Variants in ACSF3 observed in about 807,000 individuals in gnomAD.
ACSF3 encodes the protein malonate--CoA ligase ACSF3, mitochondrial.
In ACSF3, 78 loss-of-function variants were observed where a neutral mutation model predicts 53.2. That is an observed-to-expected ratio of 1.47 (90% CI 1.22 to 1.77). The LOEUF (loss-of-function observed/expected upper bound fraction) is 1.77. ACSF3 is among the 40% of genes most tolerant of loss of function. The pLI, the probability that ACSF3 is intolerant of heterozygous loss-of-function variation, is 0.00. For synonymous variants in ACSF3, 414 were observed against 333.1 expected, an observed-to-expected ratio of 1.24 and a Z score of -2.65; for missense variants, 937 against 771.1, an observed-to-expected ratio of 1.22 and a Z score of -2.55.
chr16:89,153,603 C>T lies in ACSF3; in HGVS notation c.1614-487C>T, dbSNP rs550103671. On this transcript the variant is annotated intron_variant, in intron 10 of 10. Coordinates refer to ENST00000614302, the MANE Select transcript of ACSF3 (RefSeq NM_001243279.3). ...ATAGGCTTGTGTCTGCAGGACTGTGCGGCATTTACTCCCATCTCAAATACC... is the reference window on the plus strand; with the variant it reads ...ATAGGCTTGTGTCTGCAGGACTGTGTGGCATTTACTCCCATCTCAAATACC... 11 of 245,690 alleles carry T rather than the reference C, an allele frequency of 4.5e-5. No individual in the cohort carries two copies. The East Asian group carries it at 6.9e-4, about 15-fold the overall frequency. The allele number at this position is 245,690 out of a possible 1,614,324, so 15.2% of individuals were successfully genotyped here. A position where few individuals can be genotyped will look rare whatever the true frequency, so the allele number is the denominator to read the frequency against.
At chr16:89,133,332 T>G in intron 8 of ACSF3, 70 bp downstream of exon 8, 1 of 1,601,676 alleles carries the variant, frequency 6.2e-7, no homozygotes, top group African/African-American at 1.3e-5. Flanking sequence ...CTGCCCACGT[T>G]GAGTGACACC....
intron 6 of ACSF3, among the ~76,000 whole-genome samples, chr16:89,119,629 C>T (rs1654030388): frequency 6.6e-6 from 1 of 152,224 alleles, no homozygotes; most frequent in South Asian, 2.1e-4. Context: ...CCCGCCACAC[C>T]CCCCATAGTG....
intron 8 of ACSF3, among the ~76,000 whole-genome samples, chr16:89,138,579 C>A (rs1036269263): frequency 1.3e-5 from 2 of 152,238 alleles, no homozygotes; most frequent in African/African-American, 4.8e-5. Flanking sequence ...CCTCGCTGGG[C>A]CTGCCACGCT....
intron 1 of ACSF3, among the ~76,000 whole-genome samples, chr16:89,096,412 C>T (rs1055395864): frequency 6.6e-6 from 1 of 152,132 alleles, no homozygotes; most frequent in African/African-American, 2.4e-5. Context: ...AGGAAGACCG[C>T]GCACAGCCAT....
Position 89,112,198 on chromosome 16 carries a change from A to C in ACSF3, c.929A>C (p.Gln310Pro). 6.2e-7 allele frequency: 1 copy of C among 1,614,222 alleles called. No individual in the cohort carries two copies. Among genetic ancestry groups the C allele is most frequent in the Non-Finnish European group, 8.5e-7 (1 of 1,180,044 alleles). Reference protein sequence around the residue: ...LMEYYDRHFTQPHAQDFLRAV... With the variant: ...LMEYYDRHFTPPHAQDFLRAV... Reference sequence around the variant, plus strand: ...GAGTACTACGACAGGCATTTTACCCAGCCGCACGCCCAGGATTTCTTGCGT... The same window carrying C: ...GAGTACTACGACAGGCATTTTACCCCGCCGCACGCCCAGGATTTCTTGCGT... The change falls in exon 5 of 11, where the codon CAG becomes CCG. Residue 310 changes from glutamine (Q) to proline (P), a missense_variant. By Grantham distance (76) the Gln-to-Pro change is moderately conservative (BLOSUM62 -1). Transcript: ENST00000614302.
chr16:89,097,800 C>T (rs11076765), intron 1 of ACSF3, among the ~76,000 whole-genome samples: 108,830 of 151,686 alleles, frequency 0.72, 39,674 homozygotes, highest in Admixed American at 0.79. Flanking sequence ...GGGTGCCTCG[C>T]GTCAGGAGAT....
intron 7 of ACSF3, chr16:89,122,497 T>C (rs1405022451): frequency 9.9e-6 from 4 of 404,908 alleles, no homozygotes; most frequent in Middle Eastern, 3.5e-4. Context: ...CCTTCCTGGC[T>C]CTCAAGTCTG....
intron 8 of ACSF3, among the ~76,000 whole-genome samples, chr16:89,140,488 A>G (rs922878838): frequency 1.3e-5 from 2 of 152,308 alleles, no homozygotes; most frequent in Middle Eastern, 3.4e-3. Context: ...CACTTTCCTC[A>G]AGGACTGGGG....
intron 6 of ACSF3, among the ~76,000 whole-genome samples, chr16:89,116,542 G>A (rs533388989): frequency 1.3e-5 from 2 of 152,276 alleles, no homozygotes; most frequent in African/African-American, 2.4e-5. Context: ...GTAAAGTCTC[G>A]GTTTGGCTGG....
rs138543889 is a variant in ACSF3, at chr16:89,096,984, TTGAGTTTGCCCAGCCCAGCTG to T, written c.-193-1604_-193-1584del. 6.6e-3 allele frequency among the ~76,000 whole-genome samples: 1,000 copies of T among 152,394 alleles called. 11 individuals carry two copies. Among genetic ancestry groups the T allele is most frequent in the African/African-American group, 0.023 (948 of 41,590 alleles). ...CAGCAGTTTCTTCTCAGCCTGCACT[TTGAGTTTGCCCAGCCCAGCTG>T]TGCACGTCAGCATCACCAGCTCTGC... On this transcript the variant is annotated intron_variant, in intron 1 of 10. Transcript: ENST00000614302.
intron 10 of ACSF3, chr16:89,152,054 A>G (rs1002747930): frequency 2.6e-5 from 4 of 152,246 alleles, no homozygotes; most frequent in African/African-American, 9.6e-5. Flanking sequence ...GAGTCTCTCA[A>G]AAGCTACCAG....
intron 1 of ACSF3, among the ~76,000 whole-genome samples, chr16:89,094,940 C>T (rs888719919): frequency 2.6e-5 from 4 of 152,156 alleles, no homozygotes; most frequent in African/African-American, 9.7e-5. Flanking sequence ...TTGAACTGGG[C>T]TTGGAAGAAT....
At position 89,156,102 on chromosome 16, in the gene ACSF3, C is replaced by T. The variant is rs1265232279; in HGVS notation, c.*1895C>T. ...CTGGTCCCTGTGCCAGGCTGGTCGG[C>T]CTTCGTGCACACAGTCCGCCAGTGC... On this transcript the variant is annotated 3_prime_UTR_variant, in exon 11 of 11. Coordinates refer to ENST00000614302, the MANE Select transcript of ACSF3 (RefSeq NM_001243279.3). Among the ~76,000 whole-genome samples the T allele has an allele frequency of 6.6e-6, 1 of 152,198 alleles. No individual in the cohort carries two copies. Among genetic ancestry groups the T allele is most frequent in the Non-Finnish European group, 1.5e-5 (1 of 68,022 alleles).
At chr16:89,135,224 C>G (rs1442835473) in intron 8 of ACSF3, among the ~76,000 whole-genome samples, 2 of 152,270 alleles carry the variant, frequency 1.3e-5, no homozygotes. Flanking sequence ...GCCCCATGCC[C>G]TTCCACAGGG....
Position 89,120,919 on chromosome 16 carries a change from C to T in ACSF3, c.1239+6C>T. On this transcript the variant is annotated splice_donor_region_variant and intron_variant, in intron 7 of 10. Transcript: ENST00000614302. Reference sequence around the variant, plus strand: ...GAGACGAGAGGGGGACCAAGGTAAGCCACTCTGCTCTTGGCAGGTGGGCGG... The same window carrying T: ...GAGACGAGAGGGGGACCAAGGTAAGTCACTCTGCTCTTGGCAGGTGGGCGG... 6.2e-7 allele frequency: 1 copy of T among 1,612,886 alleles called. No individual in the cohort carries two copies. Among genetic ancestry groups the T allele is most frequent in the Non-Finnish European group, 8.5e-7 (1 of 1,179,226 alleles).
intron 8 of ACSF3, among the ~76,000 whole-genome samples, chr16:89,141,572 G>GAAGATGCCAGC (rs199950393): frequency 0.11 from 16,675 of 152,272 alleles, 1,229 homozygotes; most frequent in Middle Eastern, 0.18. Flanking sequence ...AAGATGCCAG[G>GAAGATGCCAGC]AACGTCCAGG....
At position 89,154,743 on chromosome 16, in the gene ACSF3, C is replaced by T. The variant is rs980862172; in HGVS notation, c.*536C>T. 2.4e-5 allele frequency: 11 copies of T among 454,036 alleles called. No individual in the cohort carries two copies. The highest frequency in any genetic ancestry group is 4.4e-5 in the Non-Finnish European group (10 of 226,808). The allele number at this position is 454,036 out of a possible 1,614,324, so 28.1% of individuals were successfully genotyped here. ...AGAACCAGCCCTGTCCCATGGGTTCCGTGCATTTCCTGGTGCTGCTCTTGG... is the reference window on the plus strand; with the variant it reads ...AGAACCAGCCCTGTCCCATGGGTTCTGTGCATTTCCTGGTGCTGCTCTTGG... On this transcript the variant is annotated 3_prime_UTR_variant, in exon 11 of 11. Transcript: ENST00000614302.
chr16:89,095,635 G>A (rs1179985172), intron 1 of ACSF3, among the ~76,000 whole-genome samples: 1 of 152,150 alleles, frequency 6.6e-6, no homozygotes, highest in African/African-American at 2.4e-5. Context: ...TGGTGAACAG[G>A]TCAGGTGTCG....
chr16:89,095,958 A>G (rs1227754708), intron 1 of ACSF3, among the ~76,000 whole-genome samples: 2 of 152,178 alleles, frequency 1.3e-5, no homozygotes, highest in Non-Finnish European at 2.9e-5. Flanking sequence ...TAGGAGGGAA[A>G]AGATGCATCC....
Sources: gnomAD v4.1 joint callset for allele counts (sites outside exome capture counted in the v4.1 genomes callset) on GRCh38, gnomAD v4.1.1 for gene constraint, MANE v1.5 for transcripts, NCBI Gene and HGNC (gene_info 2026-07-23, HGNC 2026-07-21) for gene names.